Variants in RPUSD3 observed in about 807,000 individuals in gnomAD.
The protein encoded by RPUSD3 is RNA pseudouridine synthase D3.
RPUSD3 carries 36 observed loss-of-function variants against 35.1 expected under a neutral mutation model. The observed-to-expected ratio is 1.02, with a 90% CI of 0.79 to 1.35. RPUSD3 has a LOEUF of 1.35. Ranked by LOEUF, RPUSD3 falls within the 40% of genes most tolerant of loss-of-function variation. RPUSD3 has a pLI of 0.00. For synonymous variants in RPUSD3, 202 were observed against 187.8 expected, an observed-to-expected ratio of 1.08 and a Z score of -0.62; for missense variants, 486 against 441.9, an observed-to-expected ratio of 1.10 and a Z score of -0.89.
At chr3:9,843,201 C>A (rs1012911292) in intron 2 of RPUSD3, 1 of 519,498 alleles carries the variant, frequency 1.9e-6, no homozygotes, top group African/African-American at 1.9e-5. Context: ...AAACAATAAT[C>A]TAGTATAGCA....
At position 9,843,664 on chromosome 3, in the gene RPUSD3, C is replaced by T. The variant is rs1575433302; in HGVS notation, c.126-63G>A. On this transcript the variant is annotated intron_variant, in intron 1 of 8. Transcript: ENST00000383820. ...CCCGAGGTGCCACCCATTCCTATCT[C>T]CGGACGCCTCTTCCCAAATCCTGCG... The T allele has an allele frequency of 6.5e-5, 103 of 1,583,652 alleles. 2 individuals are homozygous for T. In the East Asian group the frequency reaches 2.2e-3, roughly 34 times the overall value.
At chr3:9,842,930 A>G (rs976044226) in intron 2 of RPUSD3, 1 of 156,028 alleles carries the variant, frequency 6.4e-6, no homozygotes, top group African/African-American at 2.4e-5. Context: ...TTGCTCTGTC[A>G]TCCCAGGCTG....
At chr3:9,837,890 G>T in exon 9 of RPUSD3, 1 of 1,009,366 alleles carries the variant, frequency 9.9e-7, no homozygotes, top group Non-Finnish European at 1.4e-6. Flanking sequence ...GAGAGGTAAA[G>T]TTACTTGCCC....
intron 4 of RPUSD3, 139 bp from the exon 5 acceptor site, chr3:9,840,944 G>T: frequency 1.7e-6 from 1 of 588,846 alleles, no homozygotes. Context: ...TGAGAAACAA[G>T]TAAGGTTTCC....
At chr3:9,840,369 C>A (rs1352750594) in intron 6 of RPUSD3, 62 bp from the exon 7 acceptor site, 9 of 1,613,560 alleles carry the variant, frequency 5.6e-6, no homozygotes, top group Non-Finnish European at 7.6e-6. Context: ...CCCAGACCCT[C>A]CCTGCTCCCA....
intron 1 of RPUSD3, 91 bp from the exon 2 acceptor site, chr3:9,843,692 C>G (rs779573261): frequency 1.2e-5 from 18 of 1,558,406 alleles, no homozygotes; most frequent in Non-Finnish European, 1.6e-5. Flanking sequence ...ATCCTGCGGC[C>G]TCTGACAAAT....
chr3:9,839,107 C>G, exon 8 of RPUSD3: 1 of 1,614,230 alleles, frequency 6.2e-7, no homozygotes, highest in Non-Finnish European at 8.5e-7. Context: ...GGGCAGAGTA[C>G]ATGTGGTCCC....
At chr3:9,841,992 G>A (rs773455715) in exon 4 of RPUSD3, 1 of 1,613,926 alleles carries the variant, frequency 6.2e-7, no homozygotes, top group Non-Finnish European at 8.5e-7. Flanking sequence ...CTTCCCAGAT[G>A]CTCGGACAAC....
intron 7 of RPUSD3, chr3:9,839,482 TGG>T (rs2082071449): frequency 8.8e-6 from 2 of 228,182 alleles, no homozygotes; most frequent in South Asian, 1.9e-4. Context: ...CTCCTCTAGC[TGG>T]GCCTGGTCAC....
intron 4 of RPUSD3, 46 bp from the exon 5 acceptor site, chr3:9,840,851 G>T (rs543945298): frequency 2.0e-6 from 3 of 1,488,582 alleles, no homozygotes; most frequent in Non-Finnish European, 2.8e-6. Flanking sequence ...CCTTGAACTC[G>T]CCCACTAAAA....
intron 4 of RPUSD3, 114 bp from the exon 5 acceptor site, chr3:9,840,919 A>C (rs2082094311): frequency 3.2e-6 from 2 of 634,680 alleles, no homozygotes; most frequent in Non-Finnish European, 5.4e-6. Context: ...CAGGACTATA[A>C]CCTAGACCAA....
Position 9,844,007 on chromosome 3 carries a change from G to A in RPUSD3, c.8C>T (p.Ala3Val), listed in dbSNP as rs1302681761. Residue 3 changes from alanine to valine, a missense_variant, in exon 1 of 9, where the codon GCT (alanine) becomes GTT (valine). Ala to Val is a moderately conservative substitution (Grantham distance 64). Coordinates refer to ENST00000383820, the Ensembl canonical transcript of RPUSD3. ...GCCGTCCATCTCCCGAGCCAGGACA[G>A]CGCGCATGTGCGTCCAGAGGGGCAG... 1.9e-6 allele frequency: 3 copies of A among 1,581,644 alleles called. No individual in the cohort carries two copies. In the Admixed American group the frequency reaches 5.3e-5, roughly 28 times the overall value.
At chr3:9,839,305 A>G (rs2082068788) in intron 7 of RPUSD3, 134 bp from the exon 8 acceptor site, 1 of 944,586 alleles carries the variant, frequency 1.1e-6, no homozygotes, top group Admixed American at 3.0e-5. Flanking sequence ...GGTCAGTACT[A>G]TGGCCCCTGC....
chr3:9,839,412 T>C, intron 7 of RPUSD3: 1 of 416,320 alleles, frequency 2.4e-6, no homozygotes. Context: ...CTGATTTAAT[T>C]GCTGAAGCCA....
Position 9,840,591 on chromosome 3 carries a change from C to G in RPUSD3, c.541G>C (p.Ala181Pro), listed in dbSNP as rs34244989. Reference sequence around the variant, plus strand: ...GCAGCCTGGATCTTCCCCTCAGAAGCAGCTGGGATCCCATCAGTGACAGCA... The same window carrying G: ...GCAGCCTGGATCTTCCCCTCAGAAGGAGCTGGGATCCCATCAGTGACAGCA... Residue 181 changes from alanine to proline, a missense_variant, in exon 6 of 9, where the codon GCT becomes CCT. Transcript: ENST00000383820. The G allele has an allele frequency of 8.7e-4, 1,411 of 1,613,950 alleles. 13 individuals carry two copies. The African/African-American group carries it at 0.017, about 19-fold the overall frequency.
intron 4 of RPUSD3, chr3:9,841,040 G>A (rs958021901): frequency 5.7e-5 from 20 of 349,988 alleles, no homozygotes; most frequent in Admixed American, 4.2e-4. Context: ...ATGTCGTAAC[G>A]ATTGTCTACC....
chr3:9,838,271 T>G, intron 8 of RPUSD3, 64 bp from the exon 9 acceptor site: 173 of 1,530,418 alleles, frequency 1.1e-4, no homozygotes, highest in Non-Finnish European at 1.5e-4. Flanking sequence ...TACCCAGCTC[T>G]AAGGGAAATG....
intron 2 of RPUSD3, chr3:9,843,150 C>G (rs11714529): frequency 0.16 from 55,183 of 342,822 alleles, 5,088 homozygotes; most frequent in African/African-American, 0.2. Flanking sequence ...CGTCAGCACC[C>G]TAAAGTGCCG....
chr3:9,838,139 G>A (rs767674774), exon 9 of RPUSD3: 2 of 1,612,430 alleles, frequency 1.2e-6, no homozygotes, highest in Non-Finnish European at 1.7e-6. Flanking sequence ...GTAGGTGGAG[G>A]TGCAAGGGCA....
Sources: allele counts gnomAD v4.1 joint callset, GRCh38; gene constraint gnomAD v4.1.1; transcripts MANE v1.5; gene names NCBI Gene and HGNC (gene_info 2026-07-23, HGNC 2026-07-21).